Variants in MYRIP observed in about 807,000 individuals in gnomAD.
The protein encoded by MYRIP is rab effector MyRIP.
In MYRIP, 49 loss-of-function variants were observed where a neutral mutation model predicts 98.0. The observed-to-expected ratio is 0.50, with a 90% CI of 0.40 to 0.63. The LOEUF is 0.63. Ranked by LOEUF, MYRIP falls within the 30% of genes least tolerant of loss-of-function variation. The probability of loss-of-function intolerance (pLI) is 0.00; values close to 1 mark genes in which losing one functional copy is unlikely to be tolerated. For missense variants in MYRIP, 1,004 were observed against 1,058.2 expected (o/e 0.95, Z 0.71); for synonymous variants, 404 against 409.5 (o/e 0.99, Z 0.16).
intron 1 of MYRIP, among the ~76,000 whole-genome samples, chr3:39,869,744 G>A (rs1346396930): frequency 1.3e-5 from 2 of 152,174 alleles, no homozygotes; most frequent in East Asian, 1.9e-4. Context: ...TGCCGTCTCC[G>A]ATAAACCAAG....
At chr3:40,254,405 A>G (rs2125728499) in intron 16 of MYRIP, among the ~76,000 whole-genome samples, 1 of 137,314 alleles carries the variant, frequency 7.3e-6, no homozygotes, top group South Asian at 2.3e-4. Flanking sequence ...GGAATAATGC[A>G]GGGAATCTGC....
At chr3:40,006,642 C>T (rs1315838640) in intron 2 of MYRIP, among the ~76,000 whole-genome samples, 1 of 152,176 alleles carries the variant, frequency 6.6e-6, no homozygotes, top group African/African-American at 2.4e-5. Flanking sequence ...GATTGAGCAC[C>T]TTCTCTTCCT....
chr3:40,036,471 A>G (rs1200946598), intron 2 of MYRIP, among the ~76,000 whole-genome samples: 2 of 152,048 alleles, frequency 1.3e-5, no homozygotes, highest in Non-Finnish European at 2.9e-5. Context: ...TAACAGAAGG[A>G]AAATCAGATG....
chr3:39,872,410 A>C (rs1185212562), intron 1 of MYRIP, among the ~76,000 whole-genome samples: 1 of 151,990 alleles, frequency 6.6e-6, no homozygotes, highest in Non-Finnish European at 1.5e-5. Flanking sequence ...ATATGTATAC[A>C]TGTGCCATGT....
At chr3:39,959,234 T>A (rs1282575824) in intron 2 of MYRIP, among the ~76,000 whole-genome samples, 1 of 152,344 alleles carries the variant, frequency 6.6e-6, no homozygotes, top group Non-Finnish European at 1.5e-5. Flanking sequence ...GTATGTTTAT[T>A]GTGGCACTAT....
chr3:40,179,821 CAGG>C (rs1250559412), intron 8 of MYRIP, among the ~76,000 whole-genome samples: 1 of 152,182 alleles, frequency 6.6e-6, no homozygotes, highest in Non-Finnish European at 1.5e-5. Context: ...TGTGATCACA[CAGG>C]AGGAGCAACC....
chr3:40,225,160 C>T (rs1284966103), intron 11 of MYRIP, among the ~76,000 whole-genome samples: 5 of 152,160 alleles, frequency 3.3e-5, no homozygotes, highest in East Asian at 1.9e-4. Context: ...ATCTGTAATA[C>T]GACACAGAGG....
intron 2 of MYRIP, among the ~76,000 whole-genome samples, chr3:39,907,254 A>C (rs958263374): frequency 2.6e-5 from 4 of 152,220 alleles, no homozygotes; most frequent in Admixed American, 6.5e-5. Flanking sequence ...ATGTTTCATC[A>C]GTATAAATAT....
chr3:40,238,811 TAAAG>T (rs1175318680), intron 12 of MYRIP: 2 of 152,174 alleles, frequency 1.3e-5, no homozygotes, highest in Non-Finnish European at 1.5e-5. Context: ...CTACATAAGA[TAAAG>T]AAACATCAGC....
At chr3:39,990,828 T>C (rs1040493357) in intron 2 of MYRIP, among the ~76,000 whole-genome samples, 17 of 152,148 alleles carry the variant, frequency 1.1e-4, no homozygotes, top group African/African-American at 3.6e-4. Flanking sequence ...CATGGCAAAC[T>C]GTATGAAAAC....
intron 2 of MYRIP, among the ~76,000 whole-genome samples, chr3:39,954,802 G>C (rs1373420197): frequency 1.3e-5 from 2 of 152,122 alleles, no homozygotes; most frequent in African/African-American, 2.4e-5. Flanking sequence ...TGGCTAACTA[G>C]AATACACAGC....
chr3:39,955,366 C>A (rs1945129863), intron 2 of MYRIP, among the ~76,000 whole-genome samples: 3 of 152,040 alleles, frequency 2.0e-5, no homozygotes, highest in Admixed American at 1.3e-4. Flanking sequence ...GAGTGGGGGC[C>A]AATATTCAAC....
chr3:40,111,721 G>A (rs1248850068), intron 3 of MYRIP, among the ~76,000 whole-genome samples: 2 of 152,020 alleles, frequency 1.3e-5, no homozygotes, highest in African/African-American at 4.8e-5. Flanking sequence ...TGACATATTG[G>A]AGATCCCTGT....
chr3:40,094,785 G>A (rs1380325166), intron 3 of MYRIP, among the ~76,000 whole-genome samples: 1 of 152,252 alleles, frequency 6.6e-6, no homozygotes, highest in Admixed American at 6.5e-5. Context: ...ATTCAGGTAT[G>A]ACTGGATTCA....
At chr3:39,875,502 C>A (rs1255493975) in intron 1 of MYRIP, among the ~76,000 whole-genome samples, 2 of 151,728 alleles carry the variant, frequency 1.3e-5, no homozygotes, top group Non-Finnish European at 2.9e-5. Context: ...CCCTCTACAT[C>A]CTGCTTTGAA....
At chr3:40,123,521 T>C (rs1206595880) in intron 3 of MYRIP, among the ~76,000 whole-genome samples, 6 of 152,150 alleles carry the variant, frequency 3.9e-5, no homozygotes, top group Admixed American at 6.5e-5. Flanking sequence ...TAGCTCCCCT[T>C]CTTACACAGC....
chr3:39,910,522 A>AT (rs1943994900), intron 2 of MYRIP, among the ~76,000 whole-genome samples: 1 of 152,260 alleles, frequency 6.6e-6, no homozygotes, highest in African/African-American at 2.4e-5. Flanking sequence ...AACTAGCCAC[A>AT]TGTGGCATTA....
intron 9 of MYRIP, among the ~76,000 whole-genome samples, chr3:40,188,023 A>C (rs573201430): frequency 1.3e-5 from 2 of 152,328 alleles, no homozygotes; most frequent in South Asian, 2.1e-4. Flanking sequence ...GCCCACTGCC[A>C]GGGACCAGCG....
chr3:40,098,741 T>C (rs1948880090), intron 3 of MYRIP, among the ~76,000 whole-genome samples: 1 of 3,894 alleles, frequency 2.6e-4, no homozygotes, highest in African/African-American at 5.0e-4. Flanking sequence ...TCTCTCTCAT[T>C]GTGTGTGTGT....
Sources: gnomAD v4.1 joint callset for allele counts (sites outside exome capture counted in the v4.1 genomes callset) on GRCh38, gnomAD v4.1.1 for gene constraint, MANE v1.5 for transcripts, NCBI Gene and HGNC (gene_info 2026-07-23, HGNC 2026-07-21) for gene names.